NPHS1: variants seen among roughly 807,000 people sequenced by gnomAD.
NPHS1 encodes the protein NPHS1 adhesion molecule, nephrin, also known as nephrin.
Under a neutral mutation model 139.7 loss-of-function variants are expected in NPHS1, and 107 were observed. The observed-to-expected ratio is 0.77, with a 90% CI of 0.66 to 0.90. The LOEUF is 0.90. NPHS1 is among the 40% of genes least tolerant of loss of function. The probability of loss-of-function intolerance (pLI) is 0.00; values close to 1 mark genes in which losing one functional copy is unlikely to be tolerated. For synonymous variants in NPHS1, 707 were observed against 706.6 expected, an observed-to-expected ratio of 1.00 and a Z score of -0.01; for missense variants, 1,580 against 1,654.2, an observed-to-expected ratio of 0.96 and a Z score of 0.78.
In NPHS1 at chr19:35,849,722, G is replaced by A. The variant is rs1973204739; in HGVS notation, c.609-69C>T. ...AAATTTGGGGAGTCAGGGAGAAGAGGTGGGGATGTCACCTCTGGTCCCCAC... is the reference window on the plus strand; with the variant it reads ...AAATTTGGGGAGTCAGGGAGAAGAGATGGGGATGTCACCTCTGGTCCCCAC... On this transcript the variant is annotated intron_variant, in intron 5 of 28. Transcript: ENST00000378910. 28 of 1,164,482 alleles carry A rather than the reference G, an allele frequency of 2.4e-5. No homozygotes were observed. In the South Asian group the frequency reaches 3.3e-4, roughly 14 times the overall value. The allele number at this position is 1,164,482 out of a possible 1,614,324, so 72.1% of individuals were successfully genotyped here. A position where few individuals can be genotyped will look rare whatever the true frequency, so the allele number is the denominator to read the frequency against.
In NPHS1 at chr19:35,851,266, G is replaced by GA. The variant is rs1568457442; in HGVS notation, c.392dup (p.Leu132ProfsTer39). 6.2e-7 allele frequency: 1 copy of GA among 1,613,908 alleles called. No homozygotes were observed. Among genetic ancestry groups the GA allele is most frequent in the Non-Finnish European group, 8.5e-7 (1 of 1,179,954 alleles). On this transcript the variant is annotated frameshift_variant, in exon 3 of 29. Transcript: ENST00000378910. LOFTEE classifies it high-confidence loss of function. ...CTGGGCGTCTCTCACCCATACCCAG[G>GA]ATGGAGAGGATCACTCTGGGAGACA... is the stretch of plus-strand genomic sequence containing the variant.
chr19:35,851,741 G>A, intron 1 of NPHS1, 39 bp downstream of exon 1: 1 of 1,557,674 alleles, frequency 6.4e-7, no homozygotes, highest in Non-Finnish European at 8.7e-7. Context: ...GGAAATGGGG[G>A]CCACTTGGCG....
rs770648351 is a variant in NPHS1 at position 35,848,227 on chromosome 19, A to G, written c.1315+26T>C. 8 of 1,613,962 alleles carry G rather than the reference A, an allele frequency of 5.0e-6. No homozygotes were observed. In the East Asian group the frequency reaches 1.8e-4, roughly 36 times the overall value. On this transcript the variant is annotated intron_variant, in intron 10 of 28. Transcript: ENST00000378910. ...GTGCTGGGTCCTGAGGCTTGGGGGC[A>G]TTGCTGGGCCAGGGCAGGGGCTCAC...
chr19:35,844,573 G>A (rs1973109096), intron 14 of NPHS1, 114 bp from the exon 15 acceptor site: 2 of 1,118,562 alleles, frequency 1.8e-6, no homozygotes, highest in Non-Finnish European at 2.6e-6. Flanking sequence ...CGGGGTTTAA[G>A]GTTGTGGACA....
rs573014786 is a variant in NPHS1, at chr19:35,845,895, C to G, written c.1628-97G>C. ...CCCCAGGCTCCGCCCAGTCTCGGGT[C>G]CCCCACCCCGCCTCCGCCCGCTTTC... On this transcript the variant is annotated intron_variant, in intron 12 of 28. Coordinates refer to ENST00000378910, the MANE Select transcript of NPHS1 (RefSeq NM_004646.4). This position sits in a 1 kb window ranked among gnomAD's most constrained non-coding sequence, Gnocchi z 5.5. 6.5e-7 allele frequency: 1 copy of G among 1,532,524 alleles called. No individual in the cohort carries two copies. Among genetic ancestry groups the G allele is most frequent in the African/African-American group, 1.4e-5 (1 of 73,210 alleles). 94.9% of individuals were successfully genotyped at this position (1,532,524 alleles called of 1,614,324 possible).
rs1350146301 is a variant in NPHS1 at position 35,826,573 on chromosome 19, C to T, written c.3667G>A (p.Asp1223Asn). Reference sequence around the variant, plus strand: ...GAATCGGGTTCCAGAGTGTCCAAGTCTCCGGCCACCTGGTCATAGATTCCT... The same window carrying T: ...GAATCGGGTTCCAGAGTGTCCAAGTTTCCGGCCACCTGGTCATAGATTCCT... ...PRGIYDQVAG[D>N]LDTLEPDSLP... Residue 1223 changes from aspartate to asparagine, a missense_variant, in exon 29 of 29, where the codon GAC (aspartate) becomes AAC (asparagine). By Grantham distance (23) the Asp-to-Asn change is conservative. Coordinates refer to ENST00000378910, the MANE Select transcript of NPHS1 (RefSeq NM_004646.4). The T allele has an allele frequency of 5.0e-6, 8 of 1,613,880 alleles. No individual in the cohort carries two copies. The highest frequency in any genetic ancestry group is 5.9e-6 in the Non-Finnish European group (7 of 1,180,014).
intron 11 of NPHS1, 23 bp from the exon 12 acceptor site, chr19:35,846,217 G>T: frequency 6.4e-7 from 1 of 1,563,160 alleles, no homozygotes; most frequent in Non-Finnish European, 8.6e-7. Flanking sequence ...AGTGACTGGG[G>T]TTCGCAGGCA....
At chr19:35,843,693 G>C in intron 16 of NPHS1, 100 bp from the exon 17 acceptor site, 1 of 1,489,502 alleles carries the variant, frequency 6.7e-7, no homozygotes, top group Non-Finnish European at 9.3e-7. Flanking sequence ...TTCCAGGAAA[G>C]TTATGGGTGT....
intron 11 of NPHS1, among the ~76,000 whole-genome samples, chr19:35,846,666 A>G (rs1048469681): frequency 1.3e-5 from 2 of 152,130 alleles, no homozygotes; most frequent in African/African-American, 4.8e-5. Flanking sequence ...GTGTCTTTCC[A>G]TAGATTACTT....
chr19:35,837,510 T>G (rs1274122387), intron 22 of NPHS1, among the ~76,000 whole-genome samples: 2 of 152,244 alleles, frequency 1.3e-5, no homozygotes, highest in Non-Finnish European at 2.9e-5. Flanking sequence ...TTCATTCATT[T>G]CTGCTCTTAC....
chr19:35,851,160 G>A, intron 3 of NPHS1, 71 bp from the exon 4 acceptor site: 1 of 1,613,482 alleles, frequency 6.2e-7, no homozygotes, highest in Admixed American at 1.7e-5. Flanking sequence ...TCGGTACCCA[G>A]AGTCTGGGAG....
chr19:35,849,524 C>T, intron 6 of NPHS1, 26 bp downstream of exon 6: 1 of 1,603,886 alleles, frequency 6.2e-7, no homozygotes, highest in South Asian at 1.1e-5. Context: ...TCCTCAGCGC[C>T]CTAGTTGGCC....
chr19:35,834,989 G>A (rs970169005), intron 23 of NPHS1, among the ~76,000 whole-genome samples: 1 of 151,606 alleles, frequency 6.6e-6, no homozygotes, highest in Non-Finnish European at 1.5e-5. Flanking sequence ...CTTGAGGTCG[G>A]GAGTTCGAGA....
At chr19:35,834,663 G>A (rs1038305158) in intron 23 of NPHS1, among the ~76,000 whole-genome samples, 6 of 151,246 alleles carry the variant, frequency 4.0e-5, no homozygotes, top group Non-Finnish European at 7.4e-5. Context: ...AGGCTGAGGT[G>A]GGTGAATCAT....
Position 35,844,105 on chromosome 19 carries a change from T to G in NPHS1, c.2210A>C (p.His737Pro). 7.5e-6 allele frequency: 12 copies of G among 1,606,828 alleles called. No homozygotes were observed. The highest frequency in any genetic ancestry group is 1.0e-5 in the Non-Finnish European group (12 of 1,179,766). ...TAEARLRLDVHYAPTIRALQD... is the reference protein window; with the variant it reads ...TAEARLRLDVPYAPTIRALQD... Reference sequence around the variant, plus strand: ...TTTCCATGGTGGGCGGGGCTCACAGTGCACGTCCAGCCGCAGCCGCGCTTC... The same window carrying G: ...TTTCCATGGTGGGCGGGGCTCACAGGGCACGTCCAGCCGCAGCCGCGCTTC... Residue 737 changes from histidine to proline, a missense_variant and splice_region_variant, in exon 16 of 29, where the codon CAC becomes CCC. His to Pro is a moderately conservative substitution (Grantham distance 77). Coordinates refer to ENST00000378910, the MANE Select transcript of NPHS1 (RefSeq NM_004646.4).
intron 25 of NPHS1, 36 bp from the exon 26 acceptor site, chr19:35,831,407 T>C: frequency 6.2e-7 from 1 of 1,613,082 alleles, no homozygotes; most frequent in South Asian, 1.1e-5. Flanking sequence ...AGTTGAGTGC[T>C]GCCCCCCGCC....
chr19:35,841,761 G>A lies in NPHS1; in HGVS notation c.2769C>T (p.Thr923=), dbSNP rs1973059252. Residue 923 remains threonine, a synonymous_variant, in exon 20 of 29, where the codon ACC becomes ACT. Transcript: ENST00000378910. ...QDYALFTCTA[T]NALGSDQTNI... Reference sequence around the variant, plus strand: ...TGGTTTGGTCCGAGCCAAGGGCGTTGGTGGCTGTACATGTGAAGAGGGCGT... The same window carrying A: ...TGGTTTGGTCCGAGCCAAGGGCGTTAGTGGCTGTACATGTGAAGAGGGCGT... 3 of 1,614,172 alleles carry A rather than the reference G, an allele frequency of 1.9e-6. No homozygotes were observed. The highest frequency in any genetic ancestry group is 1.1e-5 in the South Asian group (1 of 91,084).
At position 35,846,039 on chromosome 19, in the gene NPHS1, C is replaced by T. The variant is rs761166929; in HGVS notation, c.1596G>A (p.Gln532=). ...CCGCCAGCTGCGTGGACGCGCTGAG[C>T]TGTCCAGCCTTGCACGTGAACTTGG... ...NQAKFTCKAG[Q]LSASTQLAVQ... Residue 532 remains glutamine, a synonymous_variant, in exon 12 of 29, where the codon CAG becomes CAA. Coordinates refer to ENST00000378910, the MANE Select transcript of NPHS1 (RefSeq NM_004646.4). The T allele has an allele frequency of 2.4e-5, 38 of 1,592,960 alleles. No individual in the cohort carries two copies. The Middle Eastern group carries it at 6.6e-4, about 28-fold the overall frequency.
At position 35,844,362 on chromosome 19, in the gene NPHS1, G is replaced by C. The variant is rs568455670; in HGVS notation, c.2028C>G (p.Pro676=). 1 of 1,613,604 alleles carries C rather than the reference G, an allele frequency of 6.2e-7. No homozygotes were observed. The highest frequency in any genetic ancestry group is 1.3e-5 in the African/African-American group (1 of 75,060). ...CGCGGAAGGTCCAGTTGAAGGCCTC[G>C]GGGGCGGGGTTAGCGGACACGGACA... is the stretch of plus-strand genomic sequence containing the variant. The part of the protein sequence containing the change: ...LPVSVSANPA[P]EAFNWTFRGY... Residue 676 remains proline, a synonymous_variant, in exon 15 of 29, where the codon CCC becomes CCG. Coordinates refer to ENST00000378910, the MANE Select transcript of NPHS1 (RefSeq NM_004646.4).
Sources: allele counts gnomAD v4.1 joint callset (sites outside exome capture counted in the v4.1 genomes callset), GRCh38; gene constraint gnomAD v4.1.1; non-coding constraint Gnocchi (gnomAD v3.1); transcripts MANE v1.5; gene names NCBI Gene and HGNC (gene_info 2026-07-23, HGNC 2026-07-21).